The following EPHA3 variants were observed in gnomAD, a reference collection of about 807,000 sequenced individuals.
EPHA3 encodes the protein EPH receptor A3.
EPHA3 carries 42 observed loss-of-function variants against 107.1 expected under a neutral mutation model. The ratio of observed to expected loss-of-function variants is 0.39; its 90% confidence interval spans 0.31 to 0.51. EPHA3 has a LOEUF of 0.51. EPHA3 is among the 20% of genes least tolerant of loss of function. The pLI is 0.78. For synonymous variants in EPHA3, 461 were observed against 424.8 expected, an observed-to-expected ratio of 1.09 and a Z score of -1.05; for missense variants, 1,183 against 1,211.2, an observed-to-expected ratio of 0.98 and a Z score of 0.35.
chr3:89,356,010 A>G (rs1707944293), intron 5 of EPHA3, among the ~76,000 whole-genome samples: 1 of 100,432 alleles, frequency 1.0e-5, no homozygotes, highest in Non-Finnish European at 1.9e-5. Flanking sequence ...CAGTCCCCAG[A>G]GTGTGATGTT....
chr3:89,259,876 G>A (rs1238905912), intron 3 of EPHA3, among the ~76,000 whole-genome samples: 3 of 151,872 alleles, frequency 2.0e-5, no homozygotes, highest in Non-Finnish European at 2.9e-5. Context: ...TTTATTTTCT[G>A]TCTATTTTTT....
At chr3:89,110,157 G>A (rs910244964) in intron 1 of EPHA3, among the ~76,000 whole-genome samples, 3 of 151,754 alleles carry the variant, frequency 2.0e-5, no homozygotes, top group Non-Finnish European at 4.4e-5. Context: ...TTTTAATTTT[G>A]AAATATGAAA....
chr3:89,460,823 C>CTCTTTTTTTTTT (rs1199238290), intron 15 of EPHA3, among the ~76,000 whole-genome samples: 153 of 102,746 alleles, frequency 1.5e-3, no homozygotes, highest in African/African-American at 2.4e-3. Flanking sequence ...CTCTGTCTCT[C>CTCTTTTTTTTTT]TTTTTTTTTT....
intron 5 of EPHA3, among the ~76,000 whole-genome samples, chr3:89,368,675 C>T (rs1475057566): frequency 6.7e-6 from 1 of 150,350 alleles, no homozygotes; most frequent in Non-Finnish European, 1.5e-5. Flanking sequence ...AGCAAGTTCA[C>T]TGCCCTCTGC....
At chr3:89,332,465 A>G (rs1707308739) in intron 3 of EPHA3, among the ~76,000 whole-genome samples, 1 of 152,254 alleles carries the variant, frequency 6.6e-6, no homozygotes, top group South Asian at 2.1e-4. Context: ...GAACAGTGGA[A>G]GGAACAGAAG....
At position 89,219,142 on chromosome 3, in the gene EPHA3, A is replaced by G. The variant is rs71322863; in HGVS notation, c.814+8622A>G. Among the ~76,000 whole-genome samples, 589 of 151,762 alleles carry G rather than the reference A, an allele frequency of 3.9e-3. 4 individuals carry two copies. The highest frequency in any genetic ancestry group is 0.03 in the South Asian group (142 of 4,798). ...TCTCCATGGAGTTTAATATTTCATC[A>G]TTTACCCATTTTTTCACAACAACAT... On this transcript the variant is annotated intron_variant, in intron 3 of 16. Coordinates refer to ENST00000336596, the MANE Select transcript of EPHA3 (RefSeq NM_005233.6).
chr3:89,126,043 G>A (rs986422308), intron 1 of EPHA3, among the ~76,000 whole-genome samples: 1 of 151,594 alleles, frequency 6.6e-6, no homozygotes, highest in East Asian at 1.9e-4. Context: ...TAAAAGGATG[G>A]TGCTTTTCAT....
intron 3 of EPHA3, among the ~76,000 whole-genome samples, chr3:89,242,470 C>T (rs1427064894): frequency 6.6e-6 from 1 of 152,170 alleles, no homozygotes; most frequent in Non-Finnish European, 1.5e-5. Context: ...CGGAGTCTCA[C>T]TCTGTCGCCC....
intron 2 of EPHA3, among the ~76,000 whole-genome samples, chr3:89,159,387 G>A (rs1230891463): frequency 6.6e-6 from 1 of 152,048 alleles, no homozygotes; most frequent in African/African-American, 2.4e-5. Context: ...ATACAAGTTA[G>A]GGAGGGTACA....
At chr3:89,121,405 C>A (rs957587238) in intron 1 of EPHA3, among the ~76,000 whole-genome samples, 3 of 152,114 alleles carry the variant, frequency 2.0e-5, no homozygotes, top group Non-Finnish European at 4.4e-5. Context: ...TAGTTGACTT[C>A]GTTTATAGTA....
chr3:89,177,132 A>G (rs935400018), intron 2 of EPHA3, among the ~76,000 whole-genome samples: 1 of 151,994 alleles, frequency 6.6e-6, no homozygotes, highest in African/African-American at 2.4e-5. Flanking sequence ...ACTTCTCATA[A>G]TCATCTGAAA....
In EPHA3 at chr3:89,394,491, A is replaced by G. The variant is rs115005635; in HGVS notation, c.1307-1346A>G. On this transcript the variant is annotated intron_variant, in intron 5 of 16. Transcript: ENST00000336596. ...CCTATGAGATCTCACAAATAATAAA[A>G]CCCAGTTGATGGGAAATATTGCAGT... Among the ~76,000 whole-genome samples the G allele has an allele frequency of 5.1e-3, 774 of 152,290 alleles. 6 individuals are homozygous for G. The highest frequency in any genetic ancestry group is 9.2e-3 in the Non-Finnish European group (628 of 68,026).
At chr3:89,433,410 T>G (rs1421588396) in intron 13 of EPHA3, among the ~76,000 whole-genome samples, 2 of 152,142 alleles carry the variant, frequency 1.3e-5, no homozygotes, top group Admixed American at 6.5e-5. Context: ...ATATGCCAGA[T>G]AGCATTTCAT....
chr3:89,145,768 T>G (rs1704542948), intron 2 of EPHA3, among the ~76,000 whole-genome samples: 1 of 151,826 alleles, frequency 6.6e-6, no homozygotes, highest in Non-Finnish European at 1.5e-5. Flanking sequence ...AGGAATTTTT[T>G]TTTCTCAAGT....
intron 8 of EPHA3, 90 bp from the exon 9 acceptor site, chr3:89,407,977 T>G (rs536330906): frequency 8.2e-7 from 1 of 1,221,744 alleles, no homozygotes; most frequent in African/African-American, 1.5e-5. Flanking sequence ...GAGGAAAATG[T>G]TTTATTTTTA....
At chr3:89,430,708 T>C (rs1356542097) in intron 12 of EPHA3, among the ~76,000 whole-genome samples, 1 of 152,124 alleles carries the variant, frequency 6.6e-6, no homozygotes, top group Non-Finnish European at 1.5e-5. Flanking sequence ...TGATAATGTT[T>C]AAAAATGTAG....
intron 15 of EPHA3, among the ~76,000 whole-genome samples, chr3:89,452,284 AT>A: frequency 6.6e-6 from 1 of 151,992 alleles, no homozygotes; most frequent in Admixed American, 6.6e-5. Flanking sequence ...ACCTCCATAC[AT>A]TTTTCCATAT....
chr3:89,358,578 G>A (rs1708017663), intron 5 of EPHA3, among the ~76,000 whole-genome samples: 1 of 151,058 alleles, frequency 6.6e-6, no homozygotes, highest in Non-Finnish European at 1.5e-5. Context: ...GAAGTTGATT[G>A]GTTTGGCCAA....
intron 3 of EPHA3, among the ~76,000 whole-genome samples, chr3:89,324,358 A>G (rs886099199): frequency 1.3e-5 from 2 of 151,346 alleles, no homozygotes; most frequent in African/African-American, 4.9e-5. Context: ...TTTAGTAGAG[A>G]CGAGGTTTCC....
Sources: allele counts gnomAD v4.1 joint callset (sites outside exome capture counted in the v4.1 genomes callset), GRCh38; gene constraint gnomAD v4.1.1; transcripts MANE v1.5; gene names NCBI Gene and HGNC (gene_info 2026-07-23, HGNC 2026-07-21).